The following FBXL17 variants were observed in gnomAD, a reference collection of about 807,000 sequenced individuals.
The protein encoded by FBXL17 is F-box/LRR-repeat protein 17.
In FBXL17, 22 loss-of-function variants were observed where a neutral mutation model predicts 66.2. The observed-to-expected ratio is 0.33, with a 90% CI of 0.24 to 0.47. The LOEUF is 0.47. Ranked by LOEUF, FBXL17 falls within the 20% of genes least tolerant of loss-of-function variation. The probability of loss-of-function intolerance (pLI) is 1.00; values close to 1 mark genes in which losing one functional copy is unlikely to be tolerated. For missense variants in FBXL17, 878 were observed against 948.2 expected (o/e 0.93, Z 0.97); for synonymous variants, 474 against 400.5 (o/e 1.18, Z -2.19).
At chr5:108,037,914 T>TA (rs988562157) in intron 6 of FBXL17, among the ~76,000 whole-genome samples, 4 of 151,870 alleles carry the variant, frequency 2.6e-5, no homozygotes, top group Admixed American at 1.3e-4. Flanking sequence ...TGCCCCAAAA[T>TA]AAAAAAACTG....
At chr5:107,924,484 T>C (rs1157174045) in intron 7 of FBXL17, among the ~76,000 whole-genome samples, 1 of 152,178 alleles carries the variant, frequency 6.6e-6, no homozygotes, top group Admixed American at 6.5e-5. Context: ...AAGGTTTAGA[T>C]TATTCAGAAT....
At chr5:108,119,798 T>C (rs914316252) in intron 6 of FBXL17, among the ~76,000 whole-genome samples, 4 of 152,226 alleles carry the variant, frequency 2.6e-5, no homozygotes, top group African/African-American at 4.8e-5. Context: ...CATTTCCCTA[T>C]GATTTTAAAT....
At chr5:108,009,296 T>TAGATAGAGAGATAGATAGATAGAGAG (rs1442694841) in intron 7 of FBXL17, among the ~76,000 whole-genome samples, 1 of 32,444 alleles carries the variant, frequency 3.1e-5, no homozygotes, top group African/African-American at 9.6e-5. Flanking sequence ...TATATATATA[T>TAGATAGAGAGATAGATAGATAGAGAG]ATATACATAT....
intron 1 of FBXL17, among the ~76,000 whole-genome samples, chr5:108,369,492 T>C (rs1367273224): frequency 1.3e-5 from 2 of 152,082 alleles, no homozygotes. Context: ...TTTTACAGAG[T>C]TTGACTGCTT....
intron 7 of FBXL17, among the ~76,000 whole-genome samples, chr5:107,929,270 G>A (rs1750646714): frequency 6.6e-6 from 1 of 152,092 alleles, no homozygotes; most frequent in Non-Finnish European, 1.5e-5. Flanking sequence ...GCTTTTGAAA[G>A]CCTAAATCTA....
intron 4 of FBXL17, among the ~76,000 whole-genome samples, chr5:108,347,157 G>C (rs1417756271): frequency 2.0e-5 from 3 of 152,126 alleles, no homozygotes; most frequent in Non-Finnish European, 2.9e-5. Flanking sequence ...CACAAACCTA[G>C]AGCATACAGA....
intron 5 of FBXL17, among the ~76,000 whole-genome samples, chr5:108,222,229 A>G (rs1355332117): frequency 6.6e-6 from 1 of 152,194 alleles, no homozygotes; most frequent in East Asian, 1.9e-4. Flanking sequence ...TACTGATCTA[A>G]TAAGTCTTGT....
intron 6 of FBXL17, among the ~76,000 whole-genome samples, chr5:108,127,759 T>C (rs935349226): frequency 6.6e-6 from 1 of 152,208 alleles, no homozygotes; most frequent in Non-Finnish European, 1.5e-5. Flanking sequence ...CAAATGCTGA[T>C]AGCTTTCAAT....
intron 4 of FBXL17, among the ~76,000 whole-genome samples, chr5:108,239,367 C>A (rs1481246337): frequency 1.3e-5 from 2 of 152,212 alleles, no homozygotes; most frequent in African/African-American, 4.8e-5. Context: ...GCAGCAGCCA[C>A]AAGGCACAGG....
Position 107,859,390 on chromosome 5 carries a change from G to GTTTTTTTTT in FBXL17, c.*2321_*2329dup, listed in dbSNP as rs549840338. ...CTCAAGGTGATGCTTTTTTCTGGCT[G>GTTTTTTTTT]TTTTTTTTTTTTTTTTTTTTTTTTT... On this transcript the variant is annotated 3_prime_UTR_variant, in exon 9 of 9. Transcript: ENST00000542267. 31 of 60,184 alleles carry GTTTTTTTTT rather than the reference G, an allele frequency of 5.2e-4. No homozygotes were observed. Among genetic ancestry groups the GTTTTTTTTT allele is most frequent in the Admixed American group, 1.0e-3 (4 of 3,832 alleles). 3.7% of individuals were successfully genotyped at this position (60,184 alleles called of 1,614,324 possible). A position where few individuals can be genotyped will look rare whatever the true frequency, so the allele number is the denominator to read the frequency against.
chr5:108,108,052 T>A (rs1283850993), intron 6 of FBXL17, among the ~76,000 whole-genome samples: 1 of 152,094 alleles, frequency 6.6e-6, no homozygotes, highest in African/African-American at 2.4e-5. Flanking sequence ...AACACACTAG[T>A]GTGTTTCTGC....
intron 8 of FBXL17, among the ~76,000 whole-genome samples, chr5:107,875,427 T>C (rs549993690): frequency 6.6e-5 from 10 of 152,314 alleles, no homozygotes; most frequent in African/African-American, 2.4e-4. Flanking sequence ...ACAGAAATAT[T>C]TAGGTTGTTG....
intron 4 of FBXL17, among the ~76,000 whole-genome samples, chr5:108,325,982 C>G (rs1278246919): frequency 6.6e-6 from 1 of 152,072 alleles, no homozygotes; most frequent in African/African-American, 2.4e-5. Flanking sequence ...AGACAGAGGA[C>G]ATAGAAAGGA....
intron 5 of FBXL17, among the ~76,000 whole-genome samples, chr5:108,215,434 G>C (rs1177667458): frequency 6.6e-6 from 1 of 152,090 alleles, no homozygotes; most frequent in Non-Finnish European, 1.5e-5. Flanking sequence ...CCTCACTGGG[G>C]TTTCCGATTT....
chr5:108,178,511 C>T (rs1211924502), intron 6 of FBXL17, among the ~76,000 whole-genome samples: 2 of 152,116 alleles, frequency 1.3e-5, no homozygotes, highest in African/African-American at 4.8e-5. Flanking sequence ...AGAAAGACTC[C>T]ATTCTGTTTC....
At chr5:108,380,662 G>T in intron 1 of FBXL17, 37 bp downstream of exon 1, 1 of 873,780 alleles carries the variant, frequency 1.1e-6, no homozygotes, top group Non-Finnish European at 1.5e-6. Context: ...GGGGGTGGGG[G>T]AAAGCGAGCA....
At chr5:108,171,950 T>C (rs1035980018) in intron 6 of FBXL17, among the ~76,000 whole-genome samples, 2 of 152,234 alleles carry the variant, frequency 1.3e-5, no homozygotes, top group African/African-American at 4.8e-5. Flanking sequence ...CTCTCTCTTT[T>C]TGCCTGCTGC....
chr5:108,039,308 T>C (rs1488398671), intron 6 of FBXL17, among the ~76,000 whole-genome samples: 1 of 152,080 alleles, frequency 6.6e-6, no homozygotes, highest in Non-Finnish European at 1.5e-5. Flanking sequence ...GTTTTAATAA[T>C]AAAGACTATG....
At position 108,104,406 on chromosome 5, in the gene FBXL17, T is replaced by C. The variant is rs185997094; in HGVS notation, c.1745+81711A>G. Among the ~76,000 whole-genome samples the C allele has an allele frequency of 2.4e-4, 37 of 152,332 alleles. No individual in the cohort carries two copies. The East Asian group carries it at 2.9e-3, about 12-fold the overall frequency. ...TTATTTTCATTAGAAAGATTACCTA[T>C]AGTGAAAATAAAGAAGTCAATCCTC... On this transcript the variant is annotated intron_variant, in intron 6 of 8. Coordinates refer to ENST00000542267, the MANE Select transcript of FBXL17 (RefSeq NM_001163315.3).
Sources: allele counts gnomAD v4.1 joint callset (sites outside exome capture counted in the v4.1 genomes callset), GRCh38; gene constraint gnomAD v4.1.1; transcripts MANE v1.5; gene names NCBI Gene and HGNC (gene_info 2026-07-23, HGNC 2026-07-21).